Variants in GBF1 observed in about 807,000 individuals in gnomAD.
The protein encoded by GBF1 is Golgi-specific brefeldin A-resistance guanine nucleotide exchange factor 1.
In GBF1, 114 loss-of-function variants were observed where a neutral mutation model predicts 210.5. That is an observed-to-expected ratio of 0.54 (90% confidence interval 0.47 to 0.63). GBF1 has a LOEUF of 0.63. Among genes scored for constraint, GBF1 ranks in the 30% least tolerant of loss-of-function variants. GBF1 has a pLI of 0.00. For synonymous variants in GBF1, 850 were observed against 889.2 expected (o/e 0.96, Z 0.78); for missense variants, 1,851 against 2,357.7 (o/e 0.79, Z 4.45).
chr10:102,230,659 A>G, the GBF1 span: 1 of 1,597,318 alleles, frequency 6.3e-7, no homozygotes, highest in Non-Finnish European at 8.5e-7. Flanking sequence ...GTCCCGATAG[A>G]CGTAGGGGGA....
chr10:102,297,754 T>C (rs1246344395), intron 3 of GBF1, among the ~76,000 whole-genome samples: 1 of 152,208 alleles, frequency 6.6e-6, no homozygotes. Context: ...AAGTATACTC[T>C]GTTTTCCTAA....
chr10:102,322,553 C>T (rs765803733), intron 3 of GBF1, among the ~76,000 whole-genome samples: 5 of 151,878 alleles, frequency 3.3e-5, no homozygotes, highest in Non-Finnish European at 5.9e-5. Context: ...TCCTACAATA[C>T]AGTTTACATT....
intron 3 of GBF1, among the ~76,000 whole-genome samples, chr10:102,309,468 T>C (rs1426893179): frequency 6.6e-6 from 1 of 152,228 alleles, no homozygotes; most frequent in African/African-American, 2.4e-5. Flanking sequence ...AATACTGATT[T>C]TTACCCCATC....
chr10:102,342,538 T>G (rs1395933276), intron 3 of GBF1, among the ~76,000 whole-genome samples: 2 of 152,006 alleles, frequency 1.3e-5, no homozygotes, highest in Admixed American at 6.6e-5. Context: ...CAGACAAGCT[T>G]GGAAAATGCT....
chr10:102,253,518 A>G (rs955046488), intron 1 of GBF1, among the ~76,000 whole-genome samples: 8 of 152,006 alleles, frequency 5.3e-5, no homozygotes, highest in Non-Finnish European at 5.9e-5. Context: ...CAACTTAAAA[A>G]CAATTTTTTT....
chr10:102,258,774 C>CAAA (rs74634439), intron 1 of GBF1, among the ~76,000 whole-genome samples, 155 bp from the exon 2 acceptor site: 6 of 79,682 alleles, frequency 7.5e-5, no homozygotes, highest in African/African-American at 1.9e-4. Context: ...AACTCTGCCT[C>CAAA]AAAAAAAAAA....
chr10:102,366,651 G>T lies in GBF1; in HGVS notation c.2433+145G>T. 1 of 710,862 alleles carries T rather than the reference G, an allele frequency of 1.4e-6. No homozygotes were observed. The allele number at this position is 710,862 out of a possible 1,614,324, so 44.0% of individuals were successfully genotyped here. Reference sequence around the variant, plus strand: ...ACCCAGGCTGGAGTGCAGTAGCGCAGTCTCAGCACACTGCAACCTCCACCC... The same window carrying T: ...ACCCAGGCTGGAGTGCAGTAGCGCATTCTCAGCACACTGCAACCTCCACCC... On this transcript the variant is annotated intron_variant, in intron 19 of 39. Transcript: ENST00000369983. The surrounding 1 kb of genome is among the most constrained non-coding windows in gnomAD (Gnocchi z 4.0).
At chr10:102,365,647 A>G (rs2059874056) in intron 18 of GBF1, 48 bp downstream of exon 18, 4 of 1,494,764 alleles carry the variant, frequency 2.7e-6, no homozygotes, top group African/African-American at 1.4e-5. Flanking sequence ...ATGGTGGCTC[A>G]TGCCTGTAAT....
chr10:102,324,250 C>T (rs943944589), intron 3 of GBF1, among the ~76,000 whole-genome samples: 1 of 152,298 alleles, frequency 6.6e-6, no homozygotes, highest in South Asian at 2.1e-4. Flanking sequence ...TTTTCTCACA[C>T]ACTATGGACG....
chr10:102,240,105 T>G, the GBF1 span, among the ~76,000 whole-genome samples: 1 of 152,244 alleles, frequency 6.6e-6, no homozygotes, highest in Non-Finnish European at 1.5e-5. Flanking sequence ...TCCTGCCCAC[T>G]GTAGGGAAGG....
intron 3 of GBF1, among the ~76,000 whole-genome samples, chr10:102,302,396 G>T (rs2077465851): frequency 6.6e-6 from 1 of 152,000 alleles, no homozygotes; most frequent in South Asian, 2.1e-4. Context: ...AATATATAAG[G>T]GGTGAGTTAT....
chr10:102,354,153 A>G (rs1212393633), intron 8 of GBF1, among the ~76,000 whole-genome samples: 1 of 152,182 alleles, frequency 6.6e-6, no homozygotes, highest in Admixed American at 6.5e-5. Context: ...GCTTCTTTCT[A>G]TCTTGAACTG....
chr10:102,296,131 A>G (rs1237788675), intron 3 of GBF1, among the ~76,000 whole-genome samples: 1 of 152,152 alleles, frequency 6.6e-6, no homozygotes, highest in Non-Finnish European at 1.5e-5. Flanking sequence ...GTCTATTCTC[A>G]CCAGCTTGTT....
chr10:102,334,742 G>A lies in GBF1; in HGVS notation c.164-9309G>A, dbSNP rs377242003. ...CTTGCGCCTGTAGTCCCAGCTACTC[G>A]GGAGGCTGTGGCAGGAGAATTGCTT... is the stretch of plus-strand genomic sequence containing the variant. On this transcript the variant is annotated intron_variant, in intron 3 of 39. Coordinates refer to ENST00000369983, the MANE Select transcript of GBF1 (RefSeq NM_001377137.1). Among the ~76,000 whole-genome samples the A allele has an allele frequency of 1.2e-4, 18 of 152,152 alleles. No homozygotes were observed. The South Asian group carries it at 3.1e-3, about 26-fold the overall frequency.
intron 1 of GBF1, among the ~76,000 whole-genome samples, chr10:102,246,524 A>G (rs1207654521): frequency 6.6e-6 from 1 of 152,226 alleles, no homozygotes; most frequent in African/African-American, 2.4e-5. Context: ...ATCATAAGGA[A>G]ACCACTCTAT....
At chr10:102,319,210 C>T (rs1330095040) in intron 3 of GBF1, among the ~76,000 whole-genome samples, 1 of 152,168 alleles carries the variant, frequency 6.6e-6, no homozygotes, top group African/African-American at 2.4e-5. Context: ...GTCCCAGCTA[C>T]TCGAGAGGCT....
At chr10:102,328,579 A>T (rs750242003) in intron 3 of GBF1, among the ~76,000 whole-genome samples, 2 of 152,200 alleles carry the variant, frequency 1.3e-5, no homozygotes, top group Non-Finnish European at 2.9e-5. Context: ...TCTTGGGAAA[A>T]CATTAACTCT....
At chr10:102,231,459 GC>G in the GBF1 span, 2 of 657,628 alleles carry the variant, frequency 3.0e-6, no homozygotes, top group Non-Finnish European at 5.2e-6. Flanking sequence ...TGGGGCTGCG[GC>G]CGGGAGCCAG....
intron 29 of GBF1, among the ~76,000 whole-genome samples, chr10:102,372,669 G>A (rs922816214): frequency 2.0e-5 from 3 of 152,208 alleles, no homozygotes; most frequent in Non-Finnish European, 4.4e-5. Context: ...ACAATTCAGT[G>A]GAGGAGGAAT....
Sources: allele counts gnomAD v4.1 joint callset (sites outside exome capture counted in the v4.1 genomes callset), GRCh38; gene constraint gnomAD v4.1.1; non-coding constraint Gnocchi (gnomAD v3.1); transcripts MANE v1.5; gene names NCBI Gene and HGNC (gene_info 2026-07-23, HGNC 2026-07-21).